Variants in ZSWIM6 observed in about 807,000 individuals in gnomAD.
ZSWIM6 encodes zinc finger SWIM domain-containing protein 6.
ZSWIM6 carries 9 observed loss-of-function variants against 113.2 expected under a neutral mutation model. The observed-to-expected ratio is 0.08, with a 90% CI of 0.05 to 0.14. ZSWIM6 has a LOEUF of 0.14. ZSWIM6 is among the 10% of genes least tolerant of loss of function. The pLI is 1.00. For synonymous variants in ZSWIM6, 611 were observed against 606.5 expected, an observed-to-expected ratio of 1.01 and a Z score of -0.11; for missense variants, 1,162 against 1,552.2, an observed-to-expected ratio of 0.75 and a Z score of 4.22.
chr5:61,366,250 T>C (rs1484211395), intron 1 of ZSWIM6, among the ~76,000 whole-genome samples: 2 of 152,200 alleles, frequency 1.3e-5, no homozygotes, highest in Non-Finnish European at 2.9e-5. Flanking sequence ...TGCATATGTT[T>C]TTATGCATTT....
At chr5:61,336,995 A>G (rs1744413026) in intron 1 of ZSWIM6, among the ~76,000 whole-genome samples, 1 of 152,004 alleles carries the variant, frequency 6.6e-6, no homozygotes, top group Non-Finnish European at 1.5e-5. Context: ...AAGAGATGCA[A>G]ATAGGCTGGG....
intron 1 of ZSWIM6, among the ~76,000 whole-genome samples, chr5:61,382,753 T>G (rs1310222316): frequency 4.0e-5 from 6 of 151,660 alleles, no homozygotes; most frequent in Admixed American, 3.3e-4. Flanking sequence ...TACAGTGAGC[T>G]GAGATCGTGC....
intron 3 of ZSWIM6, 132 bp from the exon 4 acceptor site, chr5:61,494,122 CCACACA>C (rs35518308): frequency 1.3e-4 from 94 of 717,860 alleles, no homozygotes; most frequent in Non-Finnish European, 1.5e-4. Context: ...CTATCCTCCA[CCACACA>C]CACACACACA....
intron 1 of ZSWIM6, among the ~76,000 whole-genome samples, chr5:61,427,896 G>C (rs918816606): frequency 3.3e-5 from 5 of 152,158 alleles, no homozygotes; most frequent in South Asian, 2.1e-4. Context: ...ATCTTAAATT[G>C]TCAAACTTCT....
chr5:61,432,789 G>T (rs1746615072), intron 1 of ZSWIM6, among the ~76,000 whole-genome samples: 1 of 152,210 alleles, frequency 6.6e-6, no homozygotes, highest in Non-Finnish European at 1.5e-5. Flanking sequence ...TTTAGTTTGG[G>T]TTTTTCATTG....
At chr5:61,333,778 CCT>C (rs1265408184) in intron 1 of ZSWIM6, among the ~76,000 whole-genome samples, 4 of 151,744 alleles carry the variant, frequency 2.6e-5, no homozygotes, top group Non-Finnish European at 5.9e-5. Flanking sequence ...TCCAGACACC[CCT>C]GTGCGGGCCG....
intron 2 of ZSWIM6, among the ~76,000 whole-genome samples, chr5:61,490,050 C>G (rs1748136901): frequency 6.6e-6 from 1 of 151,930 alleles, no homozygotes; most frequent in Admixed American, 6.6e-5. Context: ...GAATCTTAGA[C>G]CTTAAAATAC....
intron 1 of ZSWIM6, among the ~76,000 whole-genome samples, chr5:61,450,887 C>T (rs1353934377): frequency 6.6e-6 from 1 of 152,114 alleles, no homozygotes; most frequent in Non-Finnish European, 1.5e-5. Flanking sequence ...CTTGAGTAGT[C>T]AAGTGTATTT....
At chr5:61,516,470 T>C (rs1272097370) in intron 4 of ZSWIM6, among the ~76,000 whole-genome samples, 1 of 146,746 alleles carries the variant, frequency 6.8e-6, no homozygotes, top group Non-Finnish European at 1.5e-5. Flanking sequence ...AAACTATATA[T>C]ATATATATAG....
chr5:61,431,372 CAAAAAAAAAAAAA>C (rs397881994), intron 1 of ZSWIM6, among the ~76,000 whole-genome samples: 3 of 44,536 alleles, frequency 6.7e-5, no homozygotes, highest in South Asian at 1.1e-3. Flanking sequence ...ACTCCATCTC[CAAAAAAAAAAAAA>C]AAAAAAAAAA....
Position 61,472,646 on chromosome 5 carries a change from A to G in ZSWIM6, c.677-35A>G, listed in dbSNP as rs1256416612. On this transcript the variant is annotated intron_variant, in intron 1 of 13. Coordinates refer to ENST00000252744, the MANE Select transcript of ZSWIM6 (RefSeq NM_020928.2). The surrounding 1 kb of genome is among the most constrained non-coding windows in gnomAD (Gnocchi z 4.1). ...GCATTTCATAGCATCTGAATGCAGA[A>G]GCTAAACCCTCCCTTTCTTTCTTTC... is the stretch of plus-strand genomic sequence containing the variant. The G allele has an allele frequency of 7.0e-7, 1 of 1,430,294 alleles. No homozygotes were observed. The highest frequency in any genetic ancestry group is 9.4e-7 in the Non-Finnish European group (1 of 1,069,124). The allele number at this position is 1,430,294 out of a possible 1,614,324, so 88.6% of individuals were successfully genotyped here.
chr5:61,514,992 C>T (rs1748891639), intron 4 of ZSWIM6, among the ~76,000 whole-genome samples: 1 of 152,084 alleles, frequency 6.6e-6, no homozygotes. Flanking sequence ...ACATCTGGAT[C>T]TGTATTGTTA....
chr5:61,536,082 C>G (rs997644699), intron 10 of ZSWIM6, among the ~76,000 whole-genome samples: 1 of 152,230 alleles, frequency 6.6e-6, no homozygotes, highest in Non-Finnish European at 1.5e-5. Context: ...CAAGGCACAT[C>G]TGTATTCACT....
chr5:61,401,054 T>C (rs1745930445), intron 1 of ZSWIM6, among the ~76,000 whole-genome samples: 1 of 152,252 alleles, frequency 6.6e-6, no homozygotes, highest in African/African-American at 2.4e-5. Flanking sequence ...TTTATGTTTA[T>C]AGACGTTTGG....
chr5:61,362,841 C>A (rs2112055271), intron 1 of ZSWIM6, among the ~76,000 whole-genome samples: 1 of 152,284 alleles, frequency 6.6e-6, no homozygotes, highest in Non-Finnish European at 1.5e-5. Flanking sequence ...TAGACTGCTA[C>A]CCCTGTAAAG....
At chr5:61,361,927 GACAA>G (rs1194134062) in intron 1 of ZSWIM6, among the ~76,000 whole-genome samples, 5 of 152,140 alleles carry the variant, frequency 3.3e-5, no homozygotes, top group African/African-American at 1.2e-4. Context: ...AACGCTAACA[GACAA>G]ACCTAAAATG....
chr5:61,504,212 T>A (rs1271324493), intron 4 of ZSWIM6, among the ~76,000 whole-genome samples: 1 of 152,194 alleles, frequency 6.6e-6, no homozygotes, highest in Non-Finnish European at 1.5e-5. Context: ...TCCACCCATG[T>A]GCACAATATT....
intron 1 of ZSWIM6, among the ~76,000 whole-genome samples, chr5:61,440,128 A>G (rs934773606): frequency 1.3e-5 from 2 of 152,158 alleles, no homozygotes; most frequent in East Asian, 3.8e-4. Context: ...GGTGAAAAAA[A>G]AAGCGCGAGA....
intron 1 of ZSWIM6, among the ~76,000 whole-genome samples, chr5:61,464,184 T>TTC (rs1346077810): frequency 1.5e-5 from 2 of 131,618 alleles, no homozygotes; most frequent in Non-Finnish European, 3.2e-5. Context: ...TTTTTTTTTT[T>TTC]TTTTTTTGCA....
Sources: allele counts gnomAD v4.1 joint callset (sites outside exome capture counted in the v4.1 genomes callset), GRCh38; gene constraint gnomAD v4.1.1; non-coding constraint Gnocchi (gnomAD v3.1); transcripts MANE v1.5; gene names NCBI Gene and HGNC (gene_info 2026-07-23, HGNC 2026-07-21).